CFDP1: variants seen among roughly 807,000 people sequenced by gnomAD.
The protein encoded by CFDP1 is chromatin remodeling protein CFDP1.
A neutral mutation model predicts 40.1 loss-of-function variants in CFDP1; 31 were observed. The ratio of observed to expected loss-of-function variants is 0.77; its 90% CI spans 0.58 to 1.04. The LOEUF is 1.04. CFDP1 is among the 50% of genes least tolerant of loss of function. CFDP1 has a pLI of 0.00. For missense variants in CFDP1, 423 were observed against 343.4 expected, an observed-to-expected ratio of 1.23 and a Z score of -1.83; for synonymous variants, 167 against 120.0, an observed-to-expected ratio of 1.39 and a Z score of -2.56.
intron 5 of CFDP1, among the ~76,000 whole-genome samples, chr16:75,392,482 A>C (rs1238548383): frequency 6.6e-6 from 1 of 152,222 alleles, no homozygotes; most frequent in Admixed American, 6.5e-5. Flanking sequence ...TGAAATAAAA[A>C]TTCTATAAAA....
chr16:75,362,387 T>G (rs2078685486), intron 5 of CFDP1, among the ~76,000 whole-genome samples: 1 of 152,252 alleles, frequency 6.6e-6, no homozygotes. Context: ...ACTTCTCCTT[T>G]GAGGAGTCAA....
intron 5 of CFDP1, among the ~76,000 whole-genome samples, chr16:75,335,987 T>A (rs1391046781): frequency 6.6e-6 from 1 of 152,074 alleles, no homozygotes; most frequent in Admixed American, 6.6e-5. Flanking sequence ...AATGACAGAA[T>A]TGGGGGGAAG....
chr16:75,296,501 T>C (rs2078183367), intron 6 of CFDP1, among the ~76,000 whole-genome samples: 2 of 152,176 alleles, frequency 1.3e-5, no homozygotes. Context: ...TCCCAAGTGC[T>C]AGGATTACAG....
intron 5 of CFDP1, among the ~76,000 whole-genome samples, chr16:75,383,767 C>T (rs1039149963): frequency 2.1e-5 from 3 of 145,286 alleles, no homozygotes; most frequent in Non-Finnish European, 3.0e-5. Flanking sequence ...TGCAGTAAGC[C>T]GAGATCGTGC....
intron 1 of CFDP1, among the ~76,000 whole-genome samples, chr16:75,416,103 T>A (rs567948006): frequency 6.6e-6 from 1 of 152,140 alleles, no homozygotes; most frequent in African/African-American, 2.4e-5. Flanking sequence ...CCAGCCGCCT[T>A]GGCCTCCCAA....
chr16:75,425,597 T>C (rs1215570916), intron 1 of CFDP1, among the ~76,000 whole-genome samples: 1 of 150,884 alleles, frequency 6.6e-6, no homozygotes, highest in African/African-American at 2.4e-5. Flanking sequence ...ACAAAGGGAA[T>C]TCGATGGAGA....
At chr16:75,387,453 C>G (rs936184897) in intron 5 of CFDP1, among the ~76,000 whole-genome samples, 3 of 152,138 alleles carry the variant, frequency 2.0e-5, no homozygotes, top group African/African-American at 7.2e-5. Flanking sequence ...GGTATTCTTG[C>G]TTCTACACAA....
Position 75,293,852 on chromosome 16 carries a change from T to C in CFDP1, c.*100A>G, listed in dbSNP as rs925358396. Reference sequence around the variant, plus strand: ...AATGTAGAAAAAAAAAAGACCTTGCTGGGAAACAGATGATGAGAAACACTG... The same window carrying C: ...AATGTAGAAAAAAAAAAGACCTTGCCGGGAAACAGATGATGAGAAACACTG... On this transcript the variant is annotated 3_prime_UTR_variant, in exon 7 of 7. Coordinates refer to ENST00000283882, the MANE Select transcript of CFDP1 (RefSeq NM_006324.3). 1.4e-5 allele frequency: 13 copies of C among 945,688 alleles called. No homozygotes were observed. Among genetic ancestry groups the C allele is most frequent in the Non-Finnish European group, 1.6e-5 (10 of 620,244 alleles). The allele number at this position is 945,688 out of a possible 1,614,324, so 58.6% of individuals were successfully genotyped here. A position where few individuals can be genotyped will look rare whatever the true frequency, so the allele number is the denominator to read the frequency against.
intron 5 of CFDP1, among the ~76,000 whole-genome samples, chr16:75,361,264 G>T (rs953474200): frequency 3.3e-5 from 5 of 152,184 alleles, no homozygotes; most frequent in Admixed American, 6.5e-5. Context: ...ACCCGCCACA[G>T]TCTCCCAAAG....
intron 1 of CFDP1, among the ~76,000 whole-genome samples, chr16:75,416,273 T>C (rs2079203957): frequency 6.6e-6 from 1 of 151,646 alleles, no homozygotes; most frequent in Admixed American, 6.6e-5. Flanking sequence ...GGAAACAAAA[T>C]TAGTGCAGAA....
At chr16:75,342,384 T>G (rs993625071) in intron 5 of CFDP1, among the ~76,000 whole-genome samples, 2 of 152,342 alleles carry the variant, frequency 1.3e-5, no homozygotes, top group Admixed American at 6.5e-5. Context: ...CAGGAACTTA[T>G]GTATCCAAAA....
rs149556596 is a variant in CFDP1 at position 75,323,592 on chromosome 16, C to A, written c.651-18410G>T. Among the ~76,000 whole-genome samples the A allele has an allele frequency of 3.3e-5, 5 of 152,206 alleles. No individual in the cohort carries two copies. The East Asian group carries it at 9.6e-4, about 29-fold the overall frequency. On this transcript the variant is annotated intron_variant, in intron 5 of 6. Transcript: ENST00000283882. ...GGCCAGGAGTTCAAGACCAGCCTGA[C>A]TAACATGGTGAAACCCGATCTCTAC... is the stretch of plus-strand genomic sequence containing the variant.
At chr16:75,392,361 C>T (rs2078959502) in intron 5 of CFDP1, among the ~76,000 whole-genome samples, 1 of 151,900 alleles carries the variant, frequency 6.6e-6, no homozygotes, top group African/African-American at 2.4e-5. Flanking sequence ...GCCAAGATTG[C>T]ACCACTGCAC....
chr16:75,417,830 G>A (rs80206899), intron 1 of CFDP1, among the ~76,000 whole-genome samples: 1 of 151,134 alleles, frequency 6.6e-6, no homozygotes, highest in Non-Finnish European at 1.5e-5. Context: ...AAAAAAAAAA[G>A]TTCTACTCTG....
intron 5 of CFDP1, among the ~76,000 whole-genome samples, chr16:75,330,628 A>T (rs1269628126): frequency 6.6e-6 from 1 of 152,190 alleles, no homozygotes; most frequent in African/African-American, 2.4e-5. Context: ...GTTTGGCTTC[A>T]GGACAGAGGT....
chr16:75,317,695 C>T (rs1277495474), intron 5 of CFDP1, among the ~76,000 whole-genome samples: 1 of 152,040 alleles, frequency 6.6e-6, no homozygotes, highest in Non-Finnish European at 1.5e-5. Flanking sequence ...TATGCAGAAC[C>T]CTGGGAGCTC....
At chr16:75,306,903 G>GCACA (rs918603156) in intron 5 of CFDP1, among the ~76,000 whole-genome samples, 59 of 87,078 alleles carry the variant, frequency 6.8e-4, no homozygotes, top group Admixed American at 5.0e-3. Context: ...ACACACACAC[G>GCACA]CACACACACA....
intron 5 of CFDP1, chr16:75,379,927 C>T (rs545521743): frequency 6.6e-6 from 1 of 152,232 alleles, no homozygotes; most frequent in Non-Finnish European, 1.5e-5. Context: ...CACTTGAGCC[C>T]AGGAGTTTGA....
At chr16:75,304,532 C>T (rs1438949424) in intron 6 of CFDP1, among the ~76,000 whole-genome samples, 1 of 152,146 alleles carries the variant, frequency 6.6e-6, no homozygotes, top group Non-Finnish European at 1.5e-5. Flanking sequence ...GAGGGCCTGG[C>T]CTATCACACA....
Sources: allele counts gnomAD v4.1 joint callset (sites outside exome capture counted in the v4.1 genomes callset), GRCh38; gene constraint gnomAD v4.1.1; transcripts MANE v1.5; gene names NCBI Gene and HGNC (gene_info 2026-07-23, HGNC 2026-07-21).